PRDM9: variants seen among roughly 807,000 people sequenced by gnomAD.
PRDM9 encodes the protein histone-lysine N-methyltransferase PRDM9.
In PRDM9, 47 loss-of-function variants were observed where a neutral mutation model predicts 55.6. The observed-to-expected ratio is 0.85, with a 90% CI of 0.67 to 1.08. The LOEUF is 1.08. Among genes scored for constraint, PRDM9 ranks in the 50% least tolerant of loss-of-function variants. PRDM9 has a pLI of 0.00. For synonymous variants in PRDM9, 312 were observed against 375.7 expected (o/e 0.83, Z 1.96); for missense variants, 867 against 1,040.3 (o/e 0.83, Z 2.29).
intron 4 of PRDM9, among the ~76,000 whole-genome samples, chr5:23,510,826 C>T (rs1319628811): frequency 2.6e-5 from 4 of 151,898 alleles, no homozygotes; most frequent in South Asian, 2.1e-4. Context: ...CATGAGGCAC[C>T]GTGCATAGCC....
intron 4 of PRDM9, among the ~76,000 whole-genome samples, chr5:23,511,587 C>A (rs556035181): frequency 8.5e-5 from 13 of 152,266 alleles, no homozygotes; most frequent in African/African-American, 3.1e-4. Flanking sequence ...CCACCTCAGT[C>A]CACCCGCCTT....
chr5:23,517,347 A>G (rs562691243), intron 4 of PRDM9, among the ~76,000 whole-genome samples: 24 of 152,092 alleles, frequency 1.6e-4, no homozygotes, highest in Non-Finnish European at 2.6e-4. Context: ...AGTTTTATCT[A>G]TTTTTTTAAG....
intron 6 of PRDM9, 65 bp downstream of exon 6, chr5:23,521,244 G>T (rs1739322453): frequency 1.9e-6 from 3 of 1,583,076 alleles, no homozygotes; most frequent in East Asian, 2.2e-5. Flanking sequence ...GATGAGTATG[G>T]TCTACCTATG....
Position 23,509,602 on chromosome 5 carries a change from A to C in PRDM9, c.193+9A>C. 1 of 1,614,190 alleles carries C rather than the reference A, an allele frequency of 6.2e-7. No homozygotes were observed. Among genetic ancestry groups the C allele is most frequent in the Non-Finnish European group, 8.5e-7 (1 of 1,180,020 alleles). On this transcript the variant is annotated intron_variant, in intron 3 of 10. Coordinates refer to ENST00000296682, the MANE Select transcript of PRDM9 (RefSeq NM_020227.4). ...TGCACTGATTACTATAGGTAACAGGAAGTGCTGGGCACAGACCAGCCTGGG... is the reference window on the plus strand; with the variant it reads ...TGCACTGATTACTATAGGTAACAGGCAGTGCTGGGCACAGACCAGCCTGGG...
At chr5:23,507,382 T>C (rs1394386845), upstream of PRDM9, 1 of 152,240 alleles carries the variant, frequency 6.6e-6, no homozygotes. Context: ...CGCAATCCCC[T>C]CTGGGAGGGG....
Position 23,526,756 on chromosome 5 carries a change from G to C in PRDM9, c.1668G>C (p.Glu556Asp). Residue 556 changes from glutamate (E) to aspartate (D), a missense_variant, in exon 11 of 11, where the codon GAG becomes GAC. Glu to Asp is a conservative substitution (Grantham distance 45). This residue lies in a region of PRDM9 where 662 missense variants were observed against 711.9 expected (regional missense o/e 0.93). Transcript: ENST00000296682. ...GGGAGAAGCTCTACGTCTGCAGGGA[G>C]TGTGGGCGGGGCTTTAGCTGGAAGT... is the stretch of plus-strand genomic sequence containing the variant. ...HTGEKLYVCR[E>D]CGRGFSWKSH... 6.3e-7 allele frequency: 1 copy of C among 1,591,350 alleles called. No homozygotes were observed. Among genetic ancestry groups the C allele is most frequent in the Non-Finnish European group, 8.5e-7 (1 of 1,170,052 alleles).
Position 23,526,236 on chromosome 5 carries a change from C to G in PRDM9, c.1148C>G (p.Pro383Arg), listed in dbSNP as rs1286686864. The G allele has an allele frequency of 5.6e-6, 9 of 1,614,138 alleles. No homozygotes were observed. The highest frequency in any genetic ancestry group is 4.4e-5 in the South Asian group (4 of 91,076). Residue 383 changes from proline (P) to arginine (R), a missense_variant, in exon 11 of 11, where the codon CCA becomes CGA. Coordinates refer to ENST00000296682, the MANE Select transcript of PRDM9 (RefSeq NM_020227.4). ...WKKELMAGREPKPEIHPCPSC... is the reference protein window; with the variant it reads ...WKKELMAGRERKPEIHPCPSC... ...GACCAAAAACTTCCTCTTTCAGAAC[C>G]AAAGCCAGAGATCCATCCATGTCCC...
In PRDM9 at chr5:23,522,341, C is replaced by A. The variant is rs757433060; in HGVS notation, c.546C>A (p.Ser182Arg). 8.1e-6 allele frequency: 13 copies of A among 1,613,962 alleles called. 1 individual carries two copies. The highest frequency in any genetic ancestry group is 1.1e-5 in the Non-Finnish European group (13 of 1,179,988). The change falls in exon 7 of 11, where the codon AGC becomes AGA. Residue 182 changes from serine to arginine, a missense_variant. Around this residue, in one of 5 missense-constraint regions of PRDM9, gnomAD observed 662 missense variants for 711.9 expected, o/e 0.93. Coordinates refer to ENST00000296682, the MANE Select transcript of PRDM9 (RefSeq NM_020227.4). ...RKKETERKMYSLRERKGHAYK... is the reference protein window; with the variant it reads ...RKKETERKMYRLRERKGHAYK... ...AGGAGACTGAAAGAAAGATGTATAG[C>A]CTGCGAGAAAGAAAGGGTCATGCAT... is the stretch of plus-strand genomic sequence containing the variant.
Position 23,521,070 on chromosome 5 carries a change from G to C in PRDM9, c.399G>C (p.Leu133Phe). Residue 133 changes from leucine (L) to phenylalanine (F), a missense_variant, in exon 6 of 11, where the codon TTG (leucine) becomes TTC (phenylalanine). Physicochemically the swap from Leu to Phe is conservative, Grantham distance 22. Coordinates refer to ENST00000296682, the MANE Select transcript of PRDM9 (RefSeq NM_020227.4). ...GTAATGAATCTAGTTTGAAAGAATT[G>C]TCAAGAACAGCAAATTTACTGAATG... Reference protein sequence around the residue: ...SFSNESSLKELSRTANLLNAS... With the variant: ...SFSNESSLKEFSRTANLLNAS... 1.2e-6 allele frequency: 2 copies of C among 1,614,178 alleles called. No homozygotes were observed. Among genetic ancestry groups the C allele is most frequent in the Non-Finnish European group, 1.7e-6 (2 of 1,180,024 alleles).
At chr5:23,524,716 A>G (rs1437700497) in intron 10 of PRDM9, among the ~76,000 whole-genome samples, 189 bp downstream of exon 10, 1 of 152,174 alleles carries the variant, frequency 6.6e-6, no homozygotes, top group Non-Finnish European at 1.5e-5. Context: ...ATATTTTTAA[A>G]TCTTTGTTCT....
rs369549187 is a variant in PRDM9, at chr5:23,526,348, T to C, written c.1260T>C (p.Ser420=). The C allele has an allele frequency of 3.0e-5, 49 of 1,614,066 alleles. No homozygotes were observed. The highest frequency in any genetic ancestry group is 4.1e-5 in the Non-Finnish European group (48 of 1,180,046). ...NHSSQNFPGP[S]ARKLLQPENP... The stretch of plus-strand genomic sequence containing the variant: ...CCTCTCAGAACTTCCCAGGACCATC[T>C]GCAAGAAAACTCCTCCAACCAGAGA... Residue 420 remains serine, a synonymous_variant, in exon 11 of 11, where the codon TCT becomes TCC. Coordinates refer to ENST00000296682, the MANE Select transcript of PRDM9 (RefSeq NM_020227.4).
In PRDM9 at chr5:23,526,927, T is replaced by C. The variant is rs745320934; in HGVS notation, c.1839T>C (p.Cys613=). Residue 613 remains cysteine, a synonymous_variant, in exon 11 of 11, where the codon TGT becomes TGC. Transcript: ENST00000296682. Reference sequence around the variant, plus strand: ...AGAAGCCCTATGTCTGCAGGGAGTGTGGGCGGGGCTTTAGCCGGCAGTCAG... The same window carrying C: ...AGAAGCCCTATGTCTGCAGGGAGTGCGGGCGGGGCTTTAGCCGGCAGTCAG... ...TGEKPYVCRE[C]GRGFSRQSVL... 7 of 1,594,386 alleles carry C rather than the reference T, an allele frequency of 4.4e-6. No homozygotes were observed. The highest frequency in any genetic ancestry group is 4.3e-6 in the Non-Finnish European group (5 of 1,174,712).
intron 5 of PRDM9, among the ~76,000 whole-genome samples, chr5:23,520,215 A>G (rs80012863): frequency 8.6e-5 from 13 of 150,464 alleles, no homozygotes; most frequent in African/African-American, 3.2e-4. Flanking sequence ...ATATACAAAA[A>G]TTAGCTGGGT....
intron 4 of PRDM9, among the ~76,000 whole-genome samples, chr5:23,514,095 A>G (rs1419806328): frequency 6.6e-6 from 1 of 152,118 alleles, no homozygotes; most frequent in Non-Finnish European, 1.5e-5. Flanking sequence ...TTTAATTTTC[A>G]TTTCCCTGAT....
chr5:23,524,259 G>A, intron 9 of PRDM9, 75 bp from the exon 10 acceptor site: 5 of 1,555,892 alleles, frequency 3.2e-6, no homozygotes, highest in Non-Finnish European at 2.7e-6. Flanking sequence ...AGACCAGCAG[G>A]TGATGGGCCA....
intron 4 of PRDM9, among the ~76,000 whole-genome samples, chr5:23,514,786 A>G (rs889135622): frequency 2.0e-5 from 3 of 151,784 alleles, no homozygotes; most frequent in African/African-American, 7.3e-5. Context: ...TCATGACATC[A>G]CCTATCCCTA....
At chr5:23,511,865 G>C (rs1051669194) in intron 4 of PRDM9, among the ~76,000 whole-genome samples, 11 of 151,978 alleles carry the variant, frequency 7.2e-5, no homozygotes, top group African/African-American at 2.7e-4. Context: ...CACATAAAAA[G>C]ATCTGAAACA....
rs1739436552 is a variant in PRDM9, at chr5:23,526,520, A to G, written c.1432A>G (p.Ser478Gly). The part of the protein sequence containing the change: ...WQREISRAFS[S>G]PPKGQMGSCR... ...GAGGGAGATTTCAAGGGCCTTTTCT[A>G]GCCCACCCAAAGGACAAATGGGGAG... The change falls in exon 11 of 11, where the codon AGC (serine) becomes GGC (glycine). Residue 478 changes from serine (S) to glycine (G), a missense_variant. Physicochemically the swap from Ser to Gly is moderately conservative, Grantham distance 56. Coordinates refer to ENST00000296682, the MANE Select transcript of PRDM9 (RefSeq NM_020227.4). 1 of 1,614,098 alleles carries G rather than the reference A, an allele frequency of 6.2e-7. No individual in the cohort carries two copies. Among genetic ancestry groups the G allele is most frequent in the South Asian group, 1.1e-5 (1 of 91,080 alleles).
chr5:23,517,145 T>G (rs1196516760), intron 4 of PRDM9, among the ~76,000 whole-genome samples: 3 of 125,018 alleles, frequency 2.4e-5, no homozygotes, highest in East Asian at 5.1e-4. Context: ...AGAGCGAGAC[T>G]CCATCTCAAA....
Sources: gnomAD v4.1 joint callset for allele counts (sites outside exome capture counted in the v4.1 genomes callset) on GRCh38, gnomAD v4.1.1 for gene constraint, gnomAD v4.1.1 regional missense constraint, MANE v1.5 for transcripts, NCBI Gene and HGNC (gene_info 2026-07-23, HGNC 2026-07-21) for gene names.